Variants in CA10 observed in about 807,000 individuals in gnomAD.
CA10 encodes carbonic anhydrase 10 (inactive).
CA10 carries 14 observed loss-of-function variants against 44.2 expected under a neutral mutation model. That is an observed-to-expected ratio of 0.32 (90% CI 0.21 to 0.50). The LOEUF (loss-of-function observed/expected upper bound fraction) is 0.50, where lower values mean the gene tolerates loss of function less well. CA10 is among the 20% of genes least tolerant of loss of function. The pLI is 0.99. For missense variants in CA10, 350 were observed against 409.7 expected (o/e 0.85, Z 1.26); for synonymous variants, 159 against 141.6 (o/e 1.12, Z -0.87).
At chr17:52,005,768 T>A (rs1413267118) in intron 2 of CA10, among the ~76,000 whole-genome samples, 1 of 151,910 alleles carries the variant, frequency 6.6e-6, no homozygotes, top group African/African-American at 2.4e-5. Context: ...AATGTATTGA[T>A]CTCTTGGCTC....
intron 4 of CA10, among the ~76,000 whole-genome samples, chr17:51,699,455 C>T (rs1470149423): frequency 6.6e-6 from 1 of 152,062 alleles, no homozygotes; most frequent in Non-Finnish European, 1.5e-5. Context: ...TTCTTGCAAC[C>T]GGAGACACAC....
intron 1 of CA10, among the ~76,000 whole-genome samples, chr17:52,113,455 T>C (rs765772573): frequency 1.2e-4 from 19 of 152,112 alleles, no homozygotes; most frequent in Non-Finnish European, 1.5e-4. Context: ...CTGGGCACCA[T>C]GGAGAAATTC....
intron 2 of CA10, among the ~76,000 whole-genome samples, chr17:51,966,772 T>C (rs773314703): frequency 6.6e-6 from 1 of 151,648 alleles, no homozygotes; most frequent in Non-Finnish European, 1.5e-5. Context: ...ACCTAGGAAA[T>C]ACCATTCTGG....
intron 4 of CA10, among the ~76,000 whole-genome samples, chr17:51,662,498 GAGAAA>G (rs1265522353): frequency 6.6e-6 from 1 of 152,220 alleles, no homozygotes; most frequent in Admixed American, 6.5e-5. Flanking sequence ...GGAAAGTAAA[GAGAAA>G]AGGAAAGGTG....
At chr17:51,877,188 G>T (rs951227496) in intron 3 of CA10, among the ~76,000 whole-genome samples, 1 of 152,206 alleles carries the variant, frequency 6.6e-6, no homozygotes, top group Non-Finnish European at 1.5e-5. Flanking sequence ...AGTCCAGATG[G>T]TGGAGATGTC....
At chr17:51,707,145 CT>C (rs1433285048) in intron 4 of CA10, among the ~76,000 whole-genome samples, 3 of 152,142 alleles carry the variant, frequency 2.0e-5, no homozygotes, top group Non-Finnish European at 2.9e-5. Flanking sequence ...GTGCTAGGTG[CT>C]TAATAAATAT....
chr17:51,668,479 C>T (rs1172763871), intron 4 of CA10, among the ~76,000 whole-genome samples: 3 of 152,234 alleles, frequency 2.0e-5, no homozygotes, highest in African/African-American at 4.8e-5. Context: ...GACCCAAAGT[C>T]ACTCGGTTGT....
chr17:51,732,050 T>G (rs958964281), intron 4 of CA10, among the ~76,000 whole-genome samples: 4 of 152,184 alleles, frequency 2.6e-5, no homozygotes, highest in African/African-American at 9.7e-5. Flanking sequence ...ACCATTCTTC[T>G]CACTCAGGAA....
intron 3 of CA10, among the ~76,000 whole-genome samples, chr17:51,802,343 C>T (rs9890281): frequency 3.9e-5 from 6 of 152,122 alleles, no homozygotes; most frequent in Admixed American, 1.3e-4. Context: ...CTTCCATTTT[C>T]TCATTTGCCA....
chr17:51,877,634 C>T (rs376262506), intron 3 of CA10, among the ~76,000 whole-genome samples: 13 of 152,298 alleles, frequency 8.5e-5, no homozygotes, highest in African/African-American at 2.9e-4. Flanking sequence ...ACCTGATCAT[C>T]AGGTGTGCTG....
At chr17:51,950,616 G>A (rs1983446224) in intron 2 of CA10, among the ~76,000 whole-genome samples, 1 of 152,086 alleles carries the variant, frequency 6.6e-6, no homozygotes, top group Non-Finnish European at 1.5e-5. Context: ...TTCTTGCCCT[G>A]GAGGAGATAG....
intron 2 of CA10, among the ~76,000 whole-genome samples, chr17:52,033,368 C>T (rs776514649): frequency 3.3e-5 from 5 of 152,146 alleles, no homozygotes; most frequent in Admixed American, 6.6e-5. Context: ...AGAATATCAC[C>T]GAAGTGTCTA....
chr17:51,635,358 T>A (rs528676128), intron 7 of CA10, among the ~76,000 whole-genome samples: 1 of 151,750 alleles, frequency 6.6e-6, no homozygotes, highest in South Asian at 2.1e-4. Flanking sequence ...ACTAAAAGTA[T>A]AAAAATTAGC....
chr17:51,921,722 C>A (rs1431533519), intron 3 of CA10, among the ~76,000 whole-genome samples: 1 of 152,166 alleles, frequency 6.6e-6, no homozygotes, highest in African/African-American at 2.4e-5. Context: ...CTGAATTCAT[C>A]TCTTGGCATT....
intron 2 of CA10, among the ~76,000 whole-genome samples, chr17:51,963,143 T>C (rs769688129): frequency 2.6e-5 from 4 of 152,088 alleles, no homozygotes; most frequent in Non-Finnish European, 5.9e-5. Context: ...AACAATAGAC[T>C]GGACTAGAAA....
intron 4 of CA10, among the ~76,000 whole-genome samples, chr17:51,727,084 C>T (rs1916551816): frequency 6.6e-6 from 1 of 152,190 alleles, no homozygotes; most frequent in African/African-American, 2.4e-5. Context: ...ACCTCTTCAT[C>T]TCTCTCCCTG....
chr17:51,665,695 T>C (rs1204676271), intron 4 of CA10, among the ~76,000 whole-genome samples: 3 of 152,218 alleles, frequency 2.0e-5, no homozygotes, highest in Non-Finnish European at 4.4e-5. Context: ...CTGAATACCA[T>C]AGGCAATTGT....
chr17:52,045,419 AT>A (rs1216052175), intron 2 of CA10, among the ~76,000 whole-genome samples: 3 of 152,028 alleles, frequency 2.0e-5, no homozygotes, highest in Non-Finnish European at 4.4e-5. Context: ...AATATGAAAG[AT>A]TTTTCTCATT....
At chr17:51,683,288 G>A (rs1011000119) in intron 4 of CA10, among the ~76,000 whole-genome samples, 2 of 152,182 alleles carry the variant, frequency 1.3e-5, no homozygotes, top group African/African-American at 2.4e-5. Context: ...GTGGTGGAGA[G>A]GACATGACCG....
Sources: allele counts gnomAD v4.1 joint callset (sites outside exome capture counted in the v4.1 genomes callset), GRCh38; gene constraint gnomAD v4.1.1; transcripts MANE v1.5; gene names NCBI Gene and HGNC (gene_info 2026-07-23, HGNC 2026-07-21).